The following CDH13 variants were observed in gnomAD, a reference collection of about 807,000 sequenced individuals.
The protein encoded by CDH13 is cadherin-13.
Under a neutral mutation model 63.8 loss-of-function variants are expected in CDH13, and 24 were observed. That is an observed-to-expected ratio of 0.38 (90% CI 0.27 to 0.53). The LOEUF (loss-of-function observed/expected upper bound fraction) is 0.53. CDH13 is among the 20% of genes least tolerant of loss of function. The probability of loss-of-function intolerance (pLI) is 0.85; values close to 1 mark genes in which losing one functional copy is unlikely to be tolerated. For missense variants in CDH13, 1,049 were observed against 903.1 expected (o/e 1.16, Z -2.07); for synonymous variants, 503 against 355.3 (o/e 1.42, Z -4.67).
chr16:82,860,732 T>C (rs1235587402), intron 2 of CDH13, among the ~76,000 whole-genome samples: 2 of 152,102 alleles, frequency 1.3e-5, no homozygotes, highest in East Asian at 3.8e-4. Context: ...AGCCTGCAGA[T>C]AAGGTTAATG....
chr16:83,089,886 A>T lies in CDH13; in HGVS notation c.367-35499A>T, dbSNP rs116558841. On this transcript the variant is annotated intron_variant, in intron 3 of 13. Transcript: ENST00000567109. ...GTTTCTGATTTCAAGTCTCTGGGAT[A>T]GGGCCTAGGACTCAGCATTTATAAC... is the stretch of plus-strand genomic sequence containing the variant. 3.1e-3 allele frequency among the ~76,000 whole-genome samples: 468 copies of T among 152,280 alleles called. 1 individual carries two copies. The highest frequency in any genetic ancestry group is 0.011 in the African/African-American group (440 of 41,552).
At chr16:82,883,691 G>C (rs1454291288) in intron 2 of CDH13, among the ~76,000 whole-genome samples, 1 of 152,182 alleles carries the variant, frequency 6.6e-6, no homozygotes, top group Non-Finnish European at 1.5e-5. Context: ...GCTGCTGTGA[G>C]GATTAGCTGA....
intron 5 of CDH13, among the ~76,000 whole-genome samples, chr16:83,311,841 A>T (rs2090007159): frequency 6.6e-6 from 1 of 152,136 alleles, no homozygotes; most frequent in Admixed American, 6.5e-5. Context: ...TTGGGAGGCC[A>T]AGGCGGGTGG....
chr16:83,623,174 C>T (rs916511448), intron 8 of CDH13, among the ~76,000 whole-genome samples: 5 of 152,018 alleles, frequency 3.3e-5, no homozygotes, highest in Admixed American at 6.6e-5. Flanking sequence ...TACAAGAGCC[C>T]GGTTGAGGGG....
chr16:82,896,891 C>A (rs923375353), intron 2 of CDH13, among the ~76,000 whole-genome samples: 3 of 146,158 alleles, frequency 2.1e-5, no homozygotes, highest in Admixed American at 7.1e-5. Context: ...CAGCATTCTC[C>A]TGCCTCAGCC....
intron 1 of CDH13, among the ~76,000 whole-genome samples, chr16:82,631,321 G>C (rs978259244): frequency 2.6e-5 from 4 of 152,164 alleles, no homozygotes; most frequent in Non-Finnish European, 5.9e-5. Flanking sequence ...TAGCCAAAAG[G>C]CAGGAACAGT....
chr16:83,046,405 T>G (rs768844157), intron 3 of CDH13, among the ~76,000 whole-genome samples: 43 of 152,160 alleles, frequency 2.8e-4, no homozygotes, highest in African/African-American at 9.9e-4. Context: ...TATTTTTCTT[T>G]CTCTATCACA....
At chr16:83,777,631 C>A (rs1484290236) in intron 11 of CDH13, among the ~76,000 whole-genome samples, 3 of 152,212 alleles carry the variant, frequency 2.0e-5, no homozygotes, top group African/African-American at 7.2e-5. Flanking sequence ...TGCGCCAAGG[C>A]CATCATGCCC....
intron 8 of CDH13, among the ~76,000 whole-genome samples, chr16:83,625,543 C>T (rs999044358): frequency 1.3e-5 from 2 of 152,236 alleles, no homozygotes; most frequent in African/African-American, 4.8e-5. Context: ...CTTCCTCTCC[C>T]TGTCCCAAGA....
At chr16:82,694,787 A>G (rs543486590) in intron 1 of CDH13, among the ~76,000 whole-genome samples, 2 of 152,282 alleles carry the variant, frequency 1.3e-5, no homozygotes, top group South Asian at 2.1e-4. Flanking sequence ...GACCCTGGAG[A>G]TATAAGAGGG....
chr16:83,169,027 G>A, intron 4 of CDH13, among the ~76,000 whole-genome samples: 1 of 152,084 alleles, frequency 6.6e-6, no homozygotes, highest in East Asian at 1.9e-4. Context: ...CTCAGTGCTT[G>A]GAAGTTGAAA....
intron 11 of CDH13, among the ~76,000 whole-genome samples, chr16:83,761,937 C>T (rs1914005213): frequency 1.3e-5 from 2 of 152,080 alleles, no homozygotes; most frequent in South Asian, 2.1e-4. Context: ...CGTGGTTGTG[C>T]ATGCCTGTAG....
At position 83,780,140 on chromosome 16, in the gene CDH13, C is replaced by G; in HGVS notation, c.1854C>G (p.Phe618Leu). 6.2e-7 allele frequency: 1 copy of G among 1,612,600 alleles called. No individual in the cohort carries two copies. Among genetic ancestry groups the G allele is most frequent in the Non-Finnish European group, 8.5e-7 (1 of 1,179,252 alleles). Residue 618 changes from phenylalanine to leucine, a missense_variant, in exon 12 of 14, where the codon TTC becomes TTG. By Grantham distance (22) the Phe-to-Leu change is conservative. Coordinates refer to ENST00000567109, the MANE Select transcript of CDH13 (RefSeq NM_001257.5). ...ATCTTCACCCGAATACAGATCCTTTCAAATTTGAAATCCACAAACAAGCTG... is the reference window on the plus strand; with the variant it reads ...ATCTTCACCCGAATACAGATCCTTTGAAATTTGAAATCCACAAACAAGCTG... ...DKDLHPNTDP[F>L]KFEIHKQAVP...
intron 6 of CDH13, among the ~76,000 whole-genome samples, chr16:83,427,321 G>C (rs1252623894): frequency 6.6e-6 from 1 of 152,162 alleles, no homozygotes; most frequent in East Asian, 1.9e-4. Flanking sequence ...AATAGAATCA[G>C]AAGTGTCCTT....
intron 2 of CDH13, among the ~76,000 whole-genome samples, chr16:83,024,714 A>C (rs1356008967): frequency 2.0e-5 from 3 of 152,232 alleles, no homozygotes; most frequent in African/African-American, 7.2e-5. Context: ...TCATTACTTT[A>C]GGAAAACTCT....
intron 12 of CDH13, among the ~76,000 whole-genome samples, chr16:83,783,002 A>G (rs938675387): frequency 2.6e-5 from 4 of 151,836 alleles, no homozygotes; most frequent in Non-Finnish European, 4.4e-5. Flanking sequence ...TGATGGAAAC[A>G]CTCTGTCTCT....
chr16:82,988,620 G>A (rs1911256004), intron 2 of CDH13, among the ~76,000 whole-genome samples: 1 of 152,010 alleles, frequency 6.6e-6, no homozygotes, highest in Admixed American at 6.6e-5. Context: ...AATTAGCTGG[G>A]CATGTTGGTG....
intron 2 of CDH13, among the ~76,000 whole-genome samples, chr16:82,879,678 T>A (rs2040625618): frequency 7.2e-6 from 1 of 139,044 alleles, no homozygotes; most frequent in Non-Finnish European, 1.5e-5. Flanking sequence ...TTACATAAAT[T>A]ATAATATATA....
intron 2 of CDH13, among the ~76,000 whole-genome samples, chr16:82,860,830 C>T (rs2039914340): frequency 6.6e-6 from 1 of 152,134 alleles, no homozygotes. Flanking sequence ...GAAGTAGTAG[C>T]AGTGCTTTGC....
Sources: allele counts gnomAD v4.1 joint callset (sites outside exome capture counted in the v4.1 genomes callset), GRCh38; gene constraint gnomAD v4.1.1; transcripts MANE v1.5; gene names NCBI Gene and HGNC (gene_info 2026-07-23, HGNC 2026-07-21).